PRELID2: variants seen among roughly 807,000 people sequenced by gnomAD.
PRELID2 encodes PRELI domain-containing protein 2.
A neutral mutation model predicts 28.4 loss-of-function variants in PRELID2; 25 were observed. The ratio of observed to expected loss-of-function variants is 0.88; its 90% CI spans 0.64 to 1.23. The LOEUF (loss-of-function observed/expected upper bound fraction) is 1.23, where lower values mean the gene tolerates loss of function less well. PRELID2 is among the 50% of genes most tolerant of loss of function. PRELID2 has a pLI of 0.00. For synonymous variants in PRELID2, 76 were observed against 71.6 expected (o/e 1.06, Z -0.31); for missense variants, 201 against 214.4 (o/e 0.94, Z 0.39).
At chr5:145,508,293 T>TAGATAGAC (rs1418011030) in intron 1 of PRELID2, among the ~76,000 whole-genome samples, 1 of 151,920 alleles carries the variant, frequency 6.6e-6, no homozygotes, top group Non-Finnish European at 1.5e-5. Flanking sequence ...GATAGATAGA[T>TAGATAGAC]AGATTAAAAA....
the PRELID2 span, among the ~76,000 whole-genome samples, chr5:145,266,939 C>A: frequency 6.6e-6 from 1 of 151,994 alleles, no homozygotes; most frequent in Non-Finnish European, 1.5e-5. Flanking sequence ...AATGGAAAAC[C>A]AAACATTGTA....
chr5:145,413,419 T>C, the PRELID2 span, among the ~76,000 whole-genome samples: 57 of 152,174 alleles, frequency 3.7e-4, no homozygotes, highest in South Asian at 2.1e-4. Flanking sequence ...GAAAACAGTA[T>C]GGAGATTCCT....
intron 1 of PRELID2, among the ~76,000 whole-genome samples, chr5:145,585,348 C>T (rs1328737244): frequency 2.6e-5 from 4 of 151,982 alleles, no homozygotes; most frequent in African/African-American, 9.7e-5. Flanking sequence ...GGCTTAATAC[C>T]TAGGTGATGG....
the PRELID2 span, chr5:145,229,687 A>T: frequency 2.6e-6 from 2 of 764,426 alleles, no homozygotes; most frequent in Non-Finnish European, 2.4e-6. Flanking sequence ...ACCATCCTTT[A>T]CCATGCTCAT....
At chr5:145,460,942 ATAAG>A in the PRELID2 span, among the ~76,000 whole-genome samples, 1 of 152,262 alleles carries the variant, frequency 6.6e-6, no homozygotes, top group Admixed American at 6.5e-5. Context: ...TCTAACTTTA[ATAAG>A]TAAGTAACCC....
intron 1 of PRELID2, among the ~76,000 whole-genome samples, chr5:145,545,557 C>A (rs1438237615): frequency 6.6e-6 from 1 of 152,050 alleles, no homozygotes; most frequent in East Asian, 1.9e-4. Context: ...GACTTGAACA[C>A]ATTCCTCCAC....
chr5:145,414,491 A>G, the PRELID2 span, among the ~76,000 whole-genome samples: 2 of 152,156 alleles, frequency 1.3e-5, no homozygotes, highest in Non-Finnish European at 2.9e-5. Flanking sequence ...TCCTGCTATT[A>G]TTATTCTCAG....
At chr5:145,802,170 G>A (rs897977683) in intron 4 of PRELID2, among the ~76,000 whole-genome samples, 1 of 152,130 alleles carries the variant, frequency 6.6e-6, no homozygotes, top group Non-Finnish European at 1.5e-5. Context: ...TCTACTGATT[G>A]AAAACACTCC....
rs149985155 is a variant in PRELID2, at chr5:145,475,404, A to C, written n.71-2089T>G. ...CCACTTAGCTTATGAAACTGAAAAA[A>C]TAAGCAGCCTAAACATCCACTGTGA... On this transcript the variant is annotated intron_variant and non_coding_transcript_variant, in intron 1 of 2. Coordinates refer to the PRELID2 transcript ENST00000510259. 2.5e-3 allele frequency among the ~76,000 whole-genome samples: 386 copies of C among 152,324 alleles called. 1 individual carries two copies. The highest frequency in any genetic ancestry group is 8.5e-3 in the African/African-American group (353 of 41,570).
chr5:145,532,594 C>T (rs999068221), intron 1 of PRELID2, among the ~76,000 whole-genome samples: 5 of 151,986 alleles, frequency 3.3e-5, no homozygotes, highest in African/African-American at 9.7e-5. Flanking sequence ...AACTTTCTAC[C>T]ATTTAACCAA....
At chr5:145,286,711 TGTTTGTTTG>T in the PRELID2 span, among the ~76,000 whole-genome samples, 15 of 127,592 alleles carry the variant, frequency 1.2e-4, no homozygotes, top group African/African-American at 4.6e-4. Context: ...TGTTTTTTTT[TGTTTGTTTG>T]TTTGTTTTTT....
chr5:145,455,770 C>A, the PRELID2 span, among the ~76,000 whole-genome samples: 10 of 152,140 alleles, frequency 6.6e-5, no homozygotes, highest in African/African-American at 2.4e-4. Flanking sequence ...TATAGGAATG[C>A]TTGTGATTTT....
intron 1 of PRELID2, among the ~76,000 whole-genome samples, chr5:145,834,414 A>G (rs975577003): frequency 6.6e-6 from 1 of 152,136 alleles, no homozygotes; most frequent in Non-Finnish European, 1.5e-5. Context: ...ACAGACAATC[A>G]ATAGTTTATG....
At chr5:145,577,676 C>T (rs991979746) in intron 1 of PRELID2, among the ~76,000 whole-genome samples, 1 of 151,962 alleles carries the variant, frequency 6.6e-6, no homozygotes, top group Non-Finnish European at 1.5e-5. Flanking sequence ...TAAAAGGTCT[C>T]CAATAGATTC....
chr5:145,446,610 T>C, the PRELID2 span, among the ~76,000 whole-genome samples: 1 of 152,116 alleles, frequency 6.6e-6, no homozygotes, highest in Non-Finnish European at 1.5e-5. Flanking sequence ...GAACTGGCAA[T>C]TTGCCAATCG....
chr5:145,748,970 T>C (rs1352010272), intron 1 of PRELID2, among the ~76,000 whole-genome samples: 1 of 152,004 alleles, frequency 6.6e-6, no homozygotes, highest in Admixed American at 6.5e-5. Context: ...ATACAAAAAT[T>C]AACTCAAGAT....
the PRELID2 span, among the ~76,000 whole-genome samples, chr5:145,309,033 C>T: frequency 6.6e-5 from 10 of 152,126 alleles, no homozygotes; most frequent in African/African-American, 2.4e-4. Context: ...GTATGTAAAA[C>T]TGGATCATTA....
the PRELID2 span, among the ~76,000 whole-genome samples, chr5:145,374,190 TC>T: frequency 2.0e-5 from 3 of 151,886 alleles, no homozygotes; most frequent in African/African-American, 7.3e-5. Flanking sequence ...GGTAACAAAA[TC>T]CCTCAGCATT....
At chr5:145,742,304 A>G (rs1030700283) in intron 1 of PRELID2, among the ~76,000 whole-genome samples, 44 of 119,854 alleles carry the variant, frequency 3.7e-4, no homozygotes, top group African/African-American at 1.2e-3. Flanking sequence ...ATAAATATTT[A>G]TATATATAAA....
Sources: allele counts gnomAD v4.1 joint callset (sites outside exome capture counted in the v4.1 genomes callset), GRCh38; gene constraint gnomAD v4.1.1; transcripts MANE v1.5; gene names NCBI Gene and HGNC (gene_info 2026-07-23, HGNC 2026-07-21).